Variants in TMPRSS4 observed in about 807,000 individuals in gnomAD.
TMPRSS4 encodes the protein transmembrane serine protease 4.
In TMPRSS4, 45 loss-of-function variants were observed where a neutral mutation model predicts 56.4. That is an observed-to-expected ratio of 0.80 (90% CI 0.63 to 1.02). The LOEUF (loss-of-function observed/expected upper bound fraction) is 1.02, where lower values mean the gene tolerates loss of function less well. Ranked by LOEUF, TMPRSS4 falls within the 50% of genes least tolerant of loss-of-function variation. The probability of loss-of-function intolerance (pLI) is 0.00; values close to 1 mark genes in which losing one functional copy is unlikely to be tolerated. For missense variants in TMPRSS4, 546 were observed against 556.7 expected, an observed-to-expected ratio of 0.98 and a Z score of 0.19; for synonymous variants, 205 against 211.0, an observed-to-expected ratio of 0.97 and a Z score of 0.25.
At chr11:118,083,067 C>T (rs1334082336) in intron 1 of TMPRSS4, among the ~76,000 whole-genome samples, 1 of 152,190 alleles carries the variant, frequency 6.6e-6, no homozygotes, top group Non-Finnish European at 1.5e-5. Context: ...TGCTGCGCCG[C>T]TGCGGGGCTC....
intron 1 of TMPRSS4, among the ~76,000 whole-genome samples, chr11:118,084,718 A>C (rs1945411141): frequency 1.3e-5 from 2 of 152,246 alleles, no homozygotes; most frequent in Non-Finnish European, 1.5e-5. Context: ...TCTATGTTTC[A>C]AGCACCAAGC....
At chr11:118,079,962 C>A (rs1467548134) in intron 1 of TMPRSS4, among the ~76,000 whole-genome samples, 1 of 152,166 alleles carries the variant, frequency 6.6e-6, no homozygotes, top group South Asian at 2.1e-4. Flanking sequence ...TCTCCTGGAT[C>A]CTTTGCCACC....
chr11:118,117,182 G>A, intron 11 of TMPRSS4, 123 bp from the exon 12 acceptor site: 1 of 961,392 alleles, frequency 1.0e-6, no homozygotes, highest in Non-Finnish European at 1.6e-6. Context: ...GAGGGTGAGG[G>A]TGGAATATCG....
chr11:118,084,016 C>A (rs1274825588), intron 1 of TMPRSS4, among the ~76,000 whole-genome samples: 1 of 152,116 alleles, frequency 6.6e-6, no homozygotes, highest in East Asian at 1.9e-4. Context: ...CCAGCCTGGG[C>A]AACAGAGCGA....
chr11:118,102,631 C>T (rs1946770580), intron 3 of TMPRSS4, among the ~76,000 whole-genome samples: 1 of 152,170 alleles, frequency 6.6e-6, no homozygotes. Flanking sequence ...CTCACTTAAA[C>T]TTGGGAGGCA....
intron 1 of TMPRSS4, among the ~76,000 whole-genome samples, chr11:118,085,758 C>T (rs1342192131): frequency 6.6e-6 from 1 of 152,160 alleles, no homozygotes; most frequent in Non-Finnish European, 1.5e-5. Context: ...CCCCTTCTGG[C>T]CCTCTCGAGT....
chr11:118,099,121 C>T (rs376424434), intron 3 of TMPRSS4, 23 bp downstream of exon 3: 232 of 1,596,352 alleles, frequency 1.5e-4, no homozygotes, highest in Middle Eastern at 6.6e-4. Flanking sequence ...CCGTACCCGA[C>T]TTTCACCCTC....
Position 118,119,285 on chromosome 11 carries a change from A to G in TMPRSS4, c.*1372A>G. 1.0e-6 allele frequency: 1 copy of G among 985,442 alleles called. No individual in the cohort carries two copies. The highest frequency in any genetic ancestry group is 1.2e-6 in the Non-Finnish European group (1 of 829,934). The allele number at this position is 985,442 out of a possible 1,614,324, so 61.0% of individuals were successfully genotyped here. A position where few individuals can be genotyped will look rare whatever the true frequency, so the allele number is the denominator to read the frequency against. On this transcript the variant is annotated 3_prime_UTR_variant, in exon 13 of 13. Coordinates refer to ENST00000437212, the MANE Select transcript of TMPRSS4 (RefSeq NM_019894.4). Reference sequence around the variant, plus strand: ...GCTAAACCTGGACACACTGAAGACAAGGGAGCTGAACCAGGGCTCCTACAT... The same window carrying G: ...GCTAAACCTGGACACACTGAAGACAGGGGAGCTGAACCAGGGCTCCTACAT...
chr11:118,103,532 C>A (rs1714014989), intron 4 of TMPRSS4, among the ~76,000 whole-genome samples: 3 of 152,170 alleles, frequency 2.0e-5, no homozygotes, highest in African/African-American at 7.2e-5. Flanking sequence ...CAGGTGCCAG[C>A]CACCACGCCT....
chr11:118,080,169 G>A (rs542615106), intron 1 of TMPRSS4, among the ~76,000 whole-genome samples: 43 of 152,306 alleles, frequency 2.8e-4, no homozygotes, highest in Admixed American at 9.1e-4. Context: ...GTGGTTACAA[G>A]GTACCCCTGG....
At chr11:118,108,931 G>A (rs1947137442) in intron 7 of TMPRSS4, 35 bp downstream of exon 7, 1 of 1,608,396 alleles carries the variant, frequency 6.2e-7, no homozygotes, top group Non-Finnish European at 8.5e-7. Flanking sequence ...TTTGGGGCCT[G>A]GGCCAGCAAT....
chr11:118,084,266 G>A lies in TMPRSS4; in HGVS notation c.3+6961G>A, dbSNP rs569202235. On this transcript the variant is annotated intron_variant, in intron 1 of 12. Coordinates refer to ENST00000437212, the MANE Select transcript of TMPRSS4 (RefSeq NM_019894.4). ...TCAGACCTAGGCTGCAGGATTCCAC[G>A]GCCTGTGCTCTGTGCACTGTAAAAC... Among the ~76,000 whole-genome samples, 94 of 152,172 alleles carry A rather than the reference G, an allele frequency of 6.2e-4. 1 individual carries two copies. The highest frequency in any genetic ancestry group is 2.0e-3 in the African/African-American group (84 of 41,518).
At chr11:118,103,079 T>C (rs2135405180) in intron 3 of TMPRSS4, 22 bp from the exon 4 acceptor site, 1 of 1,613,244 alleles carries the variant, frequency 6.2e-7, no homozygotes, top group East Asian at 2.2e-5. Flanking sequence ...CCTCTCTGCC[T>C]CTCCCTGCAC....
At chr11:118,113,484 C>T (rs776257369) in intron 9 of TMPRSS4, 49 bp downstream of exon 9, 17 of 1,595,496 alleles carry the variant, frequency 1.1e-5, no homozygotes, top group South Asian at 7.9e-5. Flanking sequence ...TCAGTTTTCA[C>T]GCCCACTCTG....
Position 118,103,244 on chromosome 11 carries a change from G to A in TMPRSS4, c.301G>A (p.Ala101Thr). ...TGTCAAGAGCTTCCCCGAAGGGCCT[G>A]CAGTGGCAGGTGAGTGCAGGGTCTG... is the stretch of plus-strand genomic sequence containing the variant. ...HCVKSFPEGP[A>T]VAVRLSKDRS... Residue 101 changes from alanine to threonine, a missense_variant, in exon 4 of 13, where the codon GCA (alanine) becomes ACA (threonine). Transcript: ENST00000437212. 6.2e-7 allele frequency: 1 copy of A among 1,613,544 alleles called. No individual in the cohort carries two copies. The highest frequency in any genetic ancestry group is 1.1e-5 in the South Asian group (1 of 91,010).
intron 2 of TMPRSS4, among the ~76,000 whole-genome samples, chr11:118,097,522 C>T (rs544814569): frequency 3.9e-5 from 6 of 152,254 alleles, no homozygotes; most frequent in African/African-American, 1.4e-4. Flanking sequence ...GGGCAGAAGT[C>T]CCCATGGCAC....
At chr11:118,088,888 T>C (rs1388290696) in intron 1 of TMPRSS4, among the ~76,000 whole-genome samples, 1 of 152,220 alleles carries the variant, frequency 6.6e-6, no homozygotes, top group African/African-American at 2.4e-5. Context: ...CCGACCTCTG[T>C]TTTCTCATCT....
intron 11 of TMPRSS4, 75 bp downstream of exon 11, chr11:118,115,355 T>C: frequency 6.5e-7 from 1 of 1,546,132 alleles, no homozygotes; most frequent in East Asian, 2.3e-5. Context: ...ACCCAGAGGC[T>C]GCATGCCCTA....
intron 10 of TMPRSS4, 47 bp from the exon 11 acceptor site, chr11:118,115,091 G>A (rs1235303510): frequency 6.3e-7 from 1 of 1,592,454 alleles, no homozygotes; most frequent in South Asian, 1.1e-5. Context: ...TCCAGGGCTG[G>A]GGGATAGAAG....
Sources: gnomAD v4.1 joint callset for allele counts (sites outside exome capture counted in the v4.1 genomes callset) on GRCh38, gnomAD v4.1.1 for gene constraint, MANE v1.5 for transcripts, NCBI Gene and HGNC (gene_info 2026-07-23, HGNC 2026-07-21) for gene names.